Variants in ZBTB44 observed in about 807,000 individuals in gnomAD.
ZBTB44 encodes the protein zinc finger and BTB domain containing 44.
In ZBTB44, 15 loss-of-function variants were observed where a neutral mutation model predicts 54.0. That is an observed-to-expected ratio of 0.28 (90% CI 0.19 to 0.43). The LOEUF is 0.43. Ranked by LOEUF, ZBTB44 falls within the 20% of genes least tolerant of loss-of-function variation. ZBTB44 has a pLI of 1.00. For missense variants in ZBTB44, 487 were observed against 707.1 expected, an observed-to-expected ratio of 0.69 and a Z score of 3.53; for synonymous variants, 230 against 250.1, an observed-to-expected ratio of 0.92 and a Z score of 0.76.
At chr11:130,281,147 GA>G (rs1171267045) in intron 1 of ZBTB44, among the ~76,000 whole-genome samples, 29 of 152,270 alleles carry the variant, frequency 1.9e-4, no homozygotes, top group Non-Finnish European at 4.0e-4. Flanking sequence ...TGCTTATAGG[GA>G]AATTCATTCC....
At chr11:130,243,863 T>C (rs1243106500) in intron 2 of ZBTB44, among the ~76,000 whole-genome samples, 2 of 152,118 alleles carry the variant, frequency 1.3e-5, no homozygotes, top group Admixed American at 6.6e-5. Flanking sequence ...TTTAAATTAT[T>C]ACCAATCAGG....
At chr11:130,290,686 A>G (rs754625299) in intron 1 of ZBTB44, among the ~76,000 whole-genome samples, 11 of 152,216 alleles carry the variant, frequency 7.2e-5, no homozygotes, top group African/African-American at 2.7e-4. Context: ...TGAACTATCA[A>G]CAGTACTTGG....
intron 1 of ZBTB44, among the ~76,000 whole-genome samples, chr11:130,304,370 A>T (rs1421579727): frequency 6.6e-6 from 1 of 152,216 alleles, no homozygotes; most frequent in Admixed American, 6.5e-5. Context: ...AATTTGATAT[A>T]TGAAATATTT....
intron 1 of ZBTB44, among the ~76,000 whole-genome samples, chr11:130,312,764 A>C (rs200434206): frequency 6.6e-6 from 1 of 152,348 alleles, no homozygotes; most frequent in East Asian, 1.9e-4. Flanking sequence ...TGGGGGCAGA[A>C]CCCTCAAAGA....
At position 130,240,776 on chromosome 11, in the gene ZBTB44, G is replaced by A. The variant is rs549624297; in HGVS notation, c.1019-880C>T. On this transcript the variant is annotated intron_variant, in intron 2 of 7. Transcript: ENST00000357899. The stretch of plus-strand genomic sequence containing the variant: ...AAAAGTAATTTTATCTTGAATACAA[G>A]TATCCATAAGGTAGGTATTCGTTCT... 1.7e-4 allele frequency among the ~76,000 whole-genome samples: 26 copies of A among 152,282 alleles called. No individual in the cohort carries two copies. In the South Asian group the frequency reaches 5.4e-3, roughly 32 times the overall value.
rs567827421 is a variant in ZBTB44, at chr11:130,234,201, G to A, written c.1641C>T (p.His547=). The A allele has an allele frequency of 1.1e-5, 17 of 1,525,162 alleles. No individual in the cohort carries two copies. Among genetic ancestry groups the A allele is most frequent in the Middle Eastern group, 1.7e-4 (1 of 5,752 alleles). The allele number at this position is 1,525,162 out of a possible 1,614,324, so 94.5% of individuals were successfully genotyped here. The stretch of plus-strand genomic sequence containing the variant: ...GAACAGAGGAGTTGCTTTCAAAACC[G>A]TGTTCTCCAAGATCATATTGAACAA... ...ETLVQYDLGE[H]GFESNSSVQM... is the part of the protein sequence containing the mutation. The change falls in exon 6 of 8, where the codon CAC becomes CAT. Residue 547 remains histidine (H), a synonymous_variant. Coordinates refer to ENST00000357899, the MANE Select transcript of ZBTB44 (RefSeq NM_001301098.2).
chr11:130,310,507 C>T (rs1016219087), intron 1 of ZBTB44: 4 of 151,792 alleles, frequency 2.6e-5, no homozygotes, highest in African/African-American at 9.7e-5. Flanking sequence ...ATGGAATCCA[C>T]TTCTCTGCTA....
At chr11:130,294,538 CAAAAAAAAAAAAAAA>C (rs11322495) in intron 1 of ZBTB44, among the ~76,000 whole-genome samples, 189 of 48,674 alleles carry the variant, frequency 3.9e-3, no homozygotes, top group African/African-American at 8.0e-3. Context: ...TCTATATGAC[CAAAAAAAAAAAAAAA>C]AAAAAAAAAA....
intron 1 of ZBTB44, 142 bp downstream of exon 1, chr11:130,314,233 G>C (rs1229412789): frequency 6.6e-6 from 1 of 152,286 alleles, no homozygotes; most frequent in African/African-American, 2.4e-5. Context: ...ATCCCGTGGG[G>C]TGTCTCCCGG....
rs752744188 is a variant in ZBTB44, at chr11:130,231,362, T to A, written c.*402A>T. 2 of 152,184 alleles carry A rather than the reference T, an allele frequency of 1.3e-5. No homozygotes were observed. The highest frequency in any genetic ancestry group is 2.9e-5 in the Non-Finnish European group (2 of 67,996). The allele number at this position is 152,184 out of a possible 1,614,324, so 9.4% of individuals were successfully genotyped here. On this transcript the variant is annotated 3_prime_UTR_variant, in exon 8 of 8. Coordinates refer to ENST00000357899, the MANE Select transcript of ZBTB44 (RefSeq NM_001301098.2). ...TTTATGTTAAATACTGGTTAGTTAC[T>A]GGTATTGATAAGATCTGGGCAGCAG...
chr11:130,307,468 C>T (rs1018031282), intron 1 of ZBTB44, among the ~76,000 whole-genome samples: 3 of 151,754 alleles, frequency 2.0e-5, no homozygotes, highest in Non-Finnish European at 4.4e-5. Flanking sequence ...TATCACATAC[C>T]TATCCATCCA....
chr11:130,295,039 G>A (rs1448133139), intron 1 of ZBTB44, among the ~76,000 whole-genome samples: 1 of 152,016 alleles, frequency 6.6e-6, no homozygotes, highest in East Asian at 1.9e-4. Context: ...TAGCTGTACT[G>A]TGTGACGTCG....
intron 2 of ZBTB44, among the ~76,000 whole-genome samples, chr11:130,245,568 T>C (rs1044611952): frequency 1.3e-5 from 2 of 151,550 alleles, no homozygotes; most frequent in Non-Finnish European, 2.9e-5. Flanking sequence ...ACGCCTGGAG[T>C]TGTGATAAGG....
At chr11:130,292,911 G>T (rs7106957) in intron 1 of ZBTB44, among the ~76,000 whole-genome samples, 9,520 of 152,088 alleles carry the variant, frequency 0.063, 742 homozygotes, top group African/African-American at 0.18. Context: ...TTTACAAATA[G>T]AGCAGTACCT....
intron 1 of ZBTB44, chr11:130,297,053 T>C (rs960853760): frequency 6.2e-5 from 41 of 665,178 alleles, no homozygotes; most frequent in Admixed American, 2.7e-4. Flanking sequence ...AGCTCTCTCA[T>C]TGAAGACATG....
At chr11:130,306,627 A>T (rs518533) in intron 1 of ZBTB44, among the ~76,000 whole-genome samples, 2 of 151,998 alleles carry the variant, frequency 1.3e-5, no homozygotes, top group Non-Finnish European at 2.9e-5. Flanking sequence ...ACAGCAGCAC[A>T]ATTCACAATT....
intron 1 of ZBTB44, among the ~76,000 whole-genome samples, chr11:130,274,283 GCTC>G (rs1336481068): frequency 2.6e-5 from 4 of 152,170 alleles, no homozygotes; most frequent in African/African-American, 9.7e-5. Flanking sequence ...GATTTGGGAT[GCTC>G]AACGTGTATA....
intron 3 of ZBTB44, 58 bp downstream of exon 3, chr11:130,239,754 A>T: frequency 7.2e-7 from 1 of 1,384,246 alleles, no homozygotes; most frequent in Non-Finnish European, 1.0e-6. Flanking sequence ...GAAATGCTTG[A>T]ATTTGGAGTT....
chr11:130,294,623 T>C (rs1434417426), intron 1 of ZBTB44, among the ~76,000 whole-genome samples: 2 of 151,090 alleles, frequency 1.3e-5, no homozygotes, highest in African/African-American at 2.4e-5. Context: ...TTTATAATAA[T>C]TTAACCCATT....
Sources: allele counts gnomAD v4.1 joint callset (sites outside exome capture counted in the v4.1 genomes callset), GRCh38; gene constraint gnomAD v4.1.1; transcripts MANE v1.5; gene names NCBI Gene and HGNC (gene_info 2026-07-23, HGNC 2026-07-21).